CYTH3: variants seen among roughly 807,000 people sequenced by gnomAD.
The protein encoded by CYTH3 is cytohesin-3.
A neutral mutation model predicts 55.1 loss-of-function variants in CYTH3; 23 were observed. The observed-to-expected ratio is 0.42, with a 90% CI of 0.30 to 0.59. The LOEUF (loss-of-function observed/expected upper bound fraction) is 0.59, where lower values mean the gene tolerates loss of function less well. Ranked by LOEUF, CYTH3 falls within the 20% of genes least tolerant of loss-of-function variation. The pLI is 0.20. For synonymous variants in CYTH3, 249 were observed against 194.9 expected (o/e 1.28, Z -2.31); for missense variants, 413 against 524.8 (o/e 0.79, Z 2.08).
chr7:6,186,813 C>T (rs1301570009), intron 4 of CYTH3, among the ~76,000 whole-genome samples: 5 of 152,232 alleles, frequency 3.3e-5, no homozygotes, highest in Admixed American at 6.5e-5. Context: ...GCTGCTTCCT[C>T]ACCCAGCAGC....
chr7:6,179,878 CA>C (rs1315562359), intron 4 of CYTH3, among the ~76,000 whole-genome samples: 2 of 144,862 alleles, frequency 1.4e-5, no homozygotes, highest in African/African-American at 5.2e-5. Context: ...CCACACACAC[CA>C]CACACACCAC....
At chr7:6,202,499 G>C (rs896291192) in intron 1 of CYTH3, among the ~76,000 whole-genome samples, 2 of 123,284 alleles carry the variant, frequency 1.6e-5, no homozygotes, top group Admixed American at 9.7e-5. Context: ...TTTCGCTCTT[G>C]TTGCCCAGGC....
At chr7:6,217,353 C>T (rs556241607) in intron 1 of CYTH3, among the ~76,000 whole-genome samples, 83 of 152,070 alleles carry the variant, frequency 5.5e-4, no homozygotes, top group Non-Finnish European at 9.7e-4. Flanking sequence ...ATTTTATATT[C>T]GAATATATTG....
In CYTH3 at chr7:6,163,165, T is replaced by C. The variant is rs1483409703; in HGVS notation, c.*1779A>G. 6.6e-6 allele frequency: 1 copy of C among 152,652 alleles called. No homozygotes were observed. The highest frequency in any genetic ancestry group is 2.4e-5 in the African/African-American group (1 of 41,470). The allele number at this position is 152,652 out of a possible 1,614,324, so 9.5% of individuals were successfully genotyped here. On this transcript the variant is annotated 3_prime_UTR_variant, in exon 13 of 13. Coordinates refer to ENST00000350796, the MANE Select transcript of CYTH3 (RefSeq NM_004227.4). ...GGCCTCGGACCCCTCTGCAGTCTAGTGTGACTTAAAGCTACATCAAGGTCA... is the reference window on the plus strand; with the variant it reads ...GGCCTCGGACCCCTCTGCAGTCTAGCGTGACTTAAAGCTACATCAAGGTCA...
At chr7:6,202,530 C>G (rs565659950) in intron 1 of CYTH3, among the ~76,000 whole-genome samples, 7 of 144,878 alleles carry the variant, frequency 4.8e-5, no homozygotes, top group African/African-American at 1.8e-4. Context: ...TGGTGCGAAT[C>G]TCAGCTCACC....
In CYTH3 at chr7:6,184,592, T is replaced by C. The variant is rs1485341581; in HGVS notation, c.249+2458A>G. On this transcript the variant is annotated intron_variant, in intron 4 of 12. Coordinates refer to ENST00000350796, the MANE Select transcript of CYTH3 (RefSeq NM_004227.4). ...TGGCATCACTTTATTTATTTACTTA[T>C]TTTGAGAGACAGCCTCTTACTCTTG... Among the ~76,000 whole-genome samples the C allele has an allele frequency of 2.6e-5, 4 of 152,138 alleles. No homozygotes were observed. In the East Asian group the frequency reaches 7.7e-4, roughly 29 times the overall value.
intron 3 of CYTH3, among the ~76,000 whole-genome samples, chr7:6,187,398 G>C (rs149471525): frequency 4.7e-4 from 72 of 152,356 alleles, no homozygotes; most frequent in Middle Eastern, 3.4e-3. Context: ...TTTCTGTGCG[G>C]GTCAACCCTG....
chr7:6,258,993 C>T (rs1456268436), intron 1 of CYTH3, among the ~76,000 whole-genome samples: 3 of 152,278 alleles, frequency 2.0e-5, no homozygotes, highest in African/African-American at 7.2e-5. Context: ...ATAGGTCAAC[C>T]CATTTCCTCC....
At chr7:6,176,139 CTTTT>C (rs1783343872) in intron 5 of CYTH3, among the ~76,000 whole-genome samples, 1 of 149,830 alleles carries the variant, frequency 6.7e-6, no homozygotes, top group South Asian at 2.1e-4. Context: ...AAAAATGTTG[CTTTT>C]TTGTTAAATT....
intron 1 of CYTH3, among the ~76,000 whole-genome samples, chr7:6,270,789 A>G (rs771990505): frequency 1.3e-5 from 2 of 152,186 alleles, no homozygotes; most frequent in African/African-American, 4.8e-5. Context: ...GGACAATTTT[A>G]AGACTTTTGA....
intron 5 of CYTH3, among the ~76,000 whole-genome samples, chr7:6,176,248 CAATT>C (rs1224122747): frequency 3.6e-5 from 5 of 138,752 alleles, no homozygotes; most frequent in Admixed American, 7.3e-5. Flanking sequence ...TATAGAAATA[CAATT>C]GATTTTTTTT....
At chr7:6,231,191 C>T (rs569651892) in intron 1 of CYTH3, among the ~76,000 whole-genome samples, 21 of 152,216 alleles carry the variant, frequency 1.4e-4, no homozygotes, top group Admixed American at 1.4e-3. Flanking sequence ...GCCCTCCTCA[C>T]GCTTTCTGTT....
At chr7:6,218,102 C>T (rs544151174) in intron 1 of CYTH3, among the ~76,000 whole-genome samples, 13 of 151,780 alleles carry the variant, frequency 8.6e-5, no homozygotes, top group South Asian at 8.3e-4. Context: ...AGACTTGAGC[C>T]GGGGAGGTGG....
chr7:6,259,435 G>A (rs959252593), intron 1 of CYTH3, among the ~76,000 whole-genome samples: 2 of 151,884 alleles, frequency 1.3e-5, no homozygotes, highest in African/African-American at 4.8e-5. Flanking sequence ...AAATTTACTC[G>A]AGGAAAGTAA....
At chr7:6,180,657 A>T (rs1382916915) in intron 4 of CYTH3, among the ~76,000 whole-genome samples, 2 of 152,264 alleles carry the variant, frequency 1.3e-5, no homozygotes, top group Non-Finnish European at 2.9e-5. Flanking sequence ...TGGCAGCCCT[A>T]GAATACTAAT....
At position 6,187,125 on chromosome 7, in the gene CYTH3, G is replaced by A. The variant is rs1345444858; in HGVS notation, c.183-9C>T. 1.2e-6 allele frequency: 2 copies of A among 1,613,160 alleles called. No individual in the cohort carries two copies. Among genetic ancestry groups the A allele is most frequent in the Admixed American group, 1.7e-5 (1 of 59,984 alleles). On this transcript the variant is annotated splice_polypyrimidine_tract_variant and intron_variant, in intron 3 of 12. Transcript: ENST00000350796. ...TCCTCTGAGTCGTTTTGCTATTGGT[G>A]TGAAATAATTTAAAAATCACTCATG...
chr7:6,201,175 G>T (rs563170918), intron 1 of CYTH3, among the ~76,000 whole-genome samples: 1 of 152,198 alleles, frequency 6.6e-6, no homozygotes, highest in Admixed American at 6.5e-5. Context: ...CTCACCACTC[G>T]ACAGTCGGGT....
intron 1 of CYTH3, among the ~76,000 whole-genome samples, chr7:6,230,106 G>A (rs1283069748): frequency 6.6e-6 from 1 of 152,172 alleles, no homozygotes; most frequent in Non-Finnish European, 1.5e-5. Flanking sequence ...CTGCACTCCA[G>A]CCTGGGCGAC....
At chr7:6,168,895 G>C (rs1168996882) in intron 9 of CYTH3, among the ~76,000 whole-genome samples, 3 of 152,224 alleles carry the variant, frequency 2.0e-5, no homozygotes, top group East Asian at 1.9e-4. Flanking sequence ...CCAGAAGGGA[G>C]GCATCTAATC....
Sources: allele counts gnomAD v4.1 joint callset (sites outside exome capture counted in the v4.1 genomes callset), GRCh38; gene constraint gnomAD v4.1.1; transcripts MANE v1.5; gene names NCBI Gene and HGNC (gene_info 2026-07-23, HGNC 2026-07-21).